HMCN1: variants seen among roughly 807,000 people sequenced by gnomAD.
HMCN1 encodes the protein hemicentin-1.
A neutral mutation model predicts 625.9 loss-of-function variants in HMCN1; 321 were observed. The observed-to-expected ratio is 0.51, with a 90% CI of 0.47 to 0.56. The LOEUF is 0.56. HMCN1 is among the 20% of genes least tolerant of loss of function. The probability of loss-of-function intolerance (pLI) is 0.00; values close to 1 mark genes in which losing one functional copy is unlikely to be tolerated. For synonymous variants in HMCN1, 2,425 were observed against 2,417.6 expected (o/e 1.00, Z -0.09); for missense variants, 6,588 against 6,887.3 (o/e 0.96, Z 1.54).
At chr1:185,935,380 G>A (rs1452737270) in intron 11 of HMCN1, among the ~76,000 whole-genome samples, 1 of 152,034 alleles carries the variant, frequency 6.6e-6, no homozygotes, top group African/African-American at 2.4e-5. Flanking sequence ...TGTGGCCTGG[G>A]AATCTGCATT....
intron 11 of HMCN1, among the ~76,000 whole-genome samples, chr1:185,952,655 A>C (rs934816649): frequency 1.3e-5 from 2 of 151,712 alleles, no homozygotes; most frequent in Non-Finnish European, 2.9e-5. Flanking sequence ...ATTGGGGTCA[A>C]GCGGCATTGC....
intron 15 of HMCN1, among the ~76,000 whole-genome samples, chr1:185,974,349 A>G (rs1377825650): frequency 6.6e-6 from 1 of 152,230 alleles, no homozygotes; most frequent in Non-Finnish European, 1.5e-5. Context: ...AGTGATTATT[A>G]TATACTAAAT....
intron 71 of HMCN1, among the ~76,000 whole-genome samples, chr1:186,112,452 C>G (rs867909195): frequency 6.6e-6 from 1 of 152,214 alleles, no homozygotes; most frequent in Admixed American, 6.5e-5. Context: ...AAGACTGCCA[C>G]TAGGCTTAGG....
chr1:186,100,905 C>A, intron 68 of HMCN1, among the ~76,000 whole-genome samples: 1 of 152,082 alleles, frequency 6.6e-6, no homozygotes, highest in East Asian at 1.9e-4. Flanking sequence ...CTAGATGCAA[C>A]AATAGAGCAG....
At chr1:185,885,261 A>T (rs1024940963) in intron 4 of HMCN1, among the ~76,000 whole-genome samples, 4 of 152,038 alleles carry the variant, frequency 2.6e-5, no homozygotes, top group East Asian at 1.9e-4. Flanking sequence ...CTGTACAGGA[A>T]AAATATCTCC....
At chr1:186,180,575 G>T (rs1301209176) in intron 104 of HMCN1, among the ~76,000 whole-genome samples, 1 of 152,066 alleles carries the variant, frequency 6.6e-6, no homozygotes, top group African/African-American at 2.4e-5. Flanking sequence ...ACTATCTATG[G>T]CTGCAGTTTC....
intron 93 of HMCN1, 60 bp downstream of exon 93, chr1:186,145,983 G>A (rs374580579): frequency 1.9e-6 from 3 of 1,555,772 alleles, no homozygotes; most frequent in African/African-American, 2.7e-5. Flanking sequence ...ATTAGAGAAA[G>A]GTGCCACAAA....
intron 1 of HMCN1, among the ~76,000 whole-genome samples, chr1:185,782,600 T>G (rs974350668): frequency 6.6e-6 from 1 of 152,218 alleles, no homozygotes; most frequent in African/African-American, 2.4e-5. Context: ...TCTCCTTCAC[T>G]TATGAAGCTT....
Position 186,114,137 on chromosome 1 carries a change from A to G in HMCN1, c.11276+14A>G, listed in dbSNP as rs1396302930. 3.7e-6 allele frequency: 6 copies of G among 1,613,860 alleles called. No homozygotes were observed. In the East Asian group the frequency reaches 1.3e-4, roughly 36 times the overall value. On this transcript the variant is annotated intron_variant, in intron 73 of 106. Coordinates refer to ENST00000271588, the MANE Select transcript of HMCN1 (RefSeq NM_031935.3). ...GAATCATGCAAGGTAACCATACTGG[A>G]AAATTAAAAAATGCTATAAGACCTG...
rs561363450 is a variant in HMCN1, at chr1:186,083,046, G to A, written c.8884+85G>A. The A allele has an allele frequency of 6.4e-5, 44 of 686,312 alleles. 1 individual carries two copies. The Admixed American group carries it at 1.1e-3, about 18-fold the overall frequency. The allele number at this position is 686,312 out of a possible 1,614,324, so 42.5% of individuals were successfully genotyped here. On this transcript the variant is annotated intron_variant, in intron 57 of 106. Transcript: ENST00000271588. ...GTTTTAGATTATGTAGGCTTATTTT[G>A]TATTTTTTAACTTAAACAATGTGAG...
At chr1:186,003,958 G>A (rs1653371514) in intron 29 of HMCN1, 114 bp downstream of exon 29, 1 of 1,007,326 alleles carries the variant, frequency 9.9e-7, no homozygotes, top group South Asian at 1.4e-5. Context: ...ATTATTAAAT[G>A]AGCATACAGG....
At position 185,994,993 on chromosome 1, in the gene HMCN1, C is replaced by T. The variant is rs566865273; in HGVS notation, c.3684C>T (p.Ile1228=). The T allele has an allele frequency of 6.6e-5, 106 of 1,613,808 alleles. 2 individuals carry two copies. Among genetic ancestry groups the T allele is most frequent in the South Asian group, 5.4e-4 (49 of 91,056 alleles). Residue 1228 remains isoleucine, a synonymous_variant, in exon 24 of 107, where the codon ATC becomes ATT. Transcript: ENST00000271588. ...GCAATCCAGACGGAACTTTAAGCAT[C>T]GACCAAGCCACGCCCTCAGATGCTG... ...HVSNPDGTLS[I]DQATPSDAGI... is the part of the protein sequence containing the mutation.
intron 1 of HMCN1, among the ~76,000 whole-genome samples, chr1:185,819,191 C>T (rs1373643838): frequency 6.6e-6 from 1 of 150,504 alleles, no homozygotes; most frequent in Non-Finnish European, 1.5e-5. Context: ...GAGCGGAGAT[C>T]GCACCACTGC....
chr1:185,882,428 T>C (rs1047274025), intron 4 of HMCN1, among the ~76,000 whole-genome samples: 5 of 152,080 alleles, frequency 3.3e-5, no homozygotes, highest in Admixed American at 2.0e-4. Context: ...ACAGAGTTTG[T>C]TTAGGGTAGA....
chr1:185,948,825 G>T (rs1181141415), intron 11 of HMCN1, among the ~76,000 whole-genome samples: 1 of 151,682 alleles, frequency 6.6e-6, no homozygotes, highest in African/African-American at 2.4e-5. Context: ...GAGAGAGAAT[G>T]GGCGATGTTT....
chr1:185,853,884 A>T (rs189018624), intron 2 of HMCN1, among the ~76,000 whole-genome samples: 2 of 152,304 alleles, frequency 1.3e-5, no homozygotes. Flanking sequence ...CCTTAAGGGT[A>T]AATACATGAG....
chr1:186,110,977 C>CTTTTTTTTTTTTTTTTTTTTTGTTTTTT (rs1660851781), intron 71 of HMCN1, among the ~76,000 whole-genome samples: 1 of 61,648 alleles, frequency 1.6e-5, no homozygotes. Flanking sequence ...AGAGAAAATT[C>CTTTTTTTTTTTTTTTTTTTTTGTTTTTT]TTTTTTTTTT....
chr1:186,174,972 A>C (rs911743), intron 103 of HMCN1, among the ~76,000 whole-genome samples: 56,000 of 152,016 alleles, frequency 0.37, 10,828 homozygotes, highest in African/African-American at 0.46. Context: ...CACATGACAT[A>C]AATGTTTGCA....
chr1:185,970,217 A>G, intron 14 of HMCN1, 118 bp from the exon 15 acceptor site: 2 of 914,854 alleles, frequency 2.2e-6, no homozygotes. Context: ...TGTGCCAAAC[A>G]CTTGTGTTTA....
Sources: gnomAD v4.1 joint callset for allele counts (sites outside exome capture counted in the v4.1 genomes callset) on GRCh38, gnomAD v4.1.1 for gene constraint, MANE v1.5 for transcripts, NCBI Gene and HGNC (gene_info 2026-07-23, HGNC 2026-07-21) for gene names.